Variants in HESX1 observed in about 807,000 individuals in gnomAD.
The protein encoded by HESX1 is homeobox expressed in ES cells 1.
Under a neutral mutation model 22.5 loss-of-function variants are expected in HESX1, and 11 were observed. That is an observed-to-expected ratio of 0.49 (90% CI 0.31 to 0.81). HESX1 has a LOEUF of 0.81. HESX1 is among the 30% of genes least tolerant of loss of function. The probability of loss-of-function intolerance (pLI) is 0.05; values close to 1 mark genes in which losing one functional copy is unlikely to be tolerated. For missense variants in HESX1, 201 were observed against 212.6 expected (o/e 0.95, Z 0.34); for synonymous variants, 74 against 76.5 (o/e 0.97, Z 0.17).
chr3:57,200,010 AGCTCCGCTGACAAGGGG>A, upstream of HESX1: 1 of 1,089,668 alleles, frequency 9.2e-7, no homozygotes, highest in Non-Finnish European at 1.4e-6. Flanking sequence ...TTCACCTTAT[AGCTCCGCTGACAAGGGG>A]GCTGGATTTA....
intron 1 of HESX1, among the ~76,000 whole-genome samples, chr3:57,214,627 G>C (rs957612122): frequency 2.6e-5 from 4 of 152,198 alleles, no homozygotes; most frequent in African/African-American, 9.7e-5. Flanking sequence ...TCTTGGAATA[G>C]AGCCTGACAC....
upstream of HESX1, among the ~76,000 whole-genome samples, chr3:57,201,958 G>A (rs1039643375): frequency 2.0e-5 from 3 of 148,386 alleles, no homozygotes; most frequent in African/African-American, 5.0e-5. Context: ...TTGCTCTGTC[G>A]CCCAGGCTGG....
At chr3:57,225,526 T>C (rs1393339982) in intron 1 of HESX1, among the ~76,000 whole-genome samples, 2 of 152,036 alleles carry the variant, frequency 1.3e-5, no homozygotes, top group Admixed American at 6.6e-5. Context: ...GTATTTTTGG[T>C]AGAGACGGGG....
At chr3:57,208,969 G>GA (rs1171636644) in intron 1 of HESX1, among the ~76,000 whole-genome samples, 6 of 151,030 alleles carry the variant, frequency 4.0e-5, no homozygotes, top group African/African-American at 4.9e-5. Flanking sequence ...AAAAAAAAAA[G>GA]AAAAAAAATG....
intron 1 of HESX1, among the ~76,000 whole-genome samples, chr3:57,220,706 C>T (rs1343404722): frequency 6.6e-6 from 1 of 152,144 alleles, no homozygotes; most frequent in Non-Finnish European, 1.5e-5. Flanking sequence ...GCTGGGATTA[C>T]AGGCATGAGC....
In HESX1 at chr3:57,199,795, G is replaced by T; in HGVS notation, c.124C>A (p.His42Asn). ...KKDCVPLMKPHRPWADTCSSS... is the reference protein window; with the variant it reads ...KKDCVPLMKPNRPWADTCSSS... ...CTGCAGGTGTCTGCCCAGGGCCTGT[G>T]GGGTTTCATTAATGGAACACAGTCT... The change falls in exon 1 of 4, where the codon CAC becomes AAC. Residue 42 changes from histidine to asparagine, a missense_variant. By Grantham distance (68) the His-to-Asn change is moderately conservative. Transcript: ENST00000295934. 6.2e-7 allele frequency: 1 copy of T among 1,614,062 alleles called. No homozygotes were observed. The highest frequency in any genetic ancestry group is 1.3e-5 in the African/African-American group (1 of 75,010).
intron 1 of HESX1, among the ~76,000 whole-genome samples, chr3:57,213,999 A>T (rs140492572): frequency 2.6e-5 from 4 of 152,304 alleles, no homozygotes; most frequent in African/African-American, 9.6e-5. Context: ...GTGCACTAGG[A>T]CTCAGAGCAT....
At chr3:57,212,677 T>G (rs2107578689) in intron 1 of HESX1, among the ~76,000 whole-genome samples, 1 of 152,270 alleles carries the variant, frequency 6.6e-6, no homozygotes, top group East Asian at 1.9e-4. Flanking sequence ...ATAGTCTCCT[T>G]TACTTTTACC....
chr3:57,226,557 A>G (rs1296897093), upstream of HESX1: 1 of 152,260 alleles, frequency 6.6e-6, no homozygotes, highest in Non-Finnish European at 1.5e-5. Flanking sequence ...TCTACTCAAC[A>G]AAACTTTAAA....
chr3:57,227,574 C>A (rs940254004), upstream of HESX1, among the ~76,000 whole-genome samples: 1 of 152,240 alleles, frequency 6.6e-6, no homozygotes, highest in Non-Finnish European at 1.5e-5. Context: ...AGGGCAGACA[C>A]TGCCACCTCC....
chr3:57,227,312 C>G (rs112467103), upstream of HESX1, among the ~76,000 whole-genome samples: 4,141 of 152,346 alleles, frequency 0.027, 87 homozygotes, highest in Non-Finnish European at 0.046. Flanking sequence ...CAGCACCATT[C>G]TGCTGGAGGG....
intron 1 of HESX1, among the ~76,000 whole-genome samples, chr3:57,206,267 C>T (rs1440923107): frequency 6.6e-6 from 1 of 152,186 alleles, no homozygotes; most frequent in African/African-American, 2.4e-5. Flanking sequence ...TGATGGTCAA[C>T]TGTGTTAATG....
intron 1 of HESX1, among the ~76,000 whole-genome samples, chr3:57,206,907 G>C (rs1336879695): frequency 6.6e-6 from 1 of 152,122 alleles, no homozygotes; most frequent in Admixed American, 6.5e-5. Flanking sequence ...TTGTTCCAGA[G>C]ACTGCTAGTT....
chr3:57,225,390 C>T (rs2060636048), intron 1 of HESX1, among the ~76,000 whole-genome samples: 1 of 152,120 alleles, frequency 6.6e-6, no homozygotes, highest in Admixed American at 6.5e-5. Context: ...TTCGCTCTGT[C>T]GCCCAGGCTG....
intron 1 of HESX1, among the ~76,000 whole-genome samples, chr3:57,224,957 T>C (rs555304632): frequency 6.6e-6 from 1 of 152,340 alleles, no homozygotes; most frequent in South Asian, 2.1e-4. Context: ...TTGCTTTCCA[T>C]AAAATTAACC....
chr3:57,222,060 T>C (rs2060618980), intron 1 of HESX1, among the ~76,000 whole-genome samples: 1 of 152,206 alleles, frequency 6.6e-6, no homozygotes, highest in South Asian at 2.1e-4. Context: ...TTCCCTGAGG[T>C]AGTCTGAATC....
intron 1 of HESX1, among the ~76,000 whole-genome samples, chr3:57,217,194 C>T (rs1052205239): frequency 2.6e-5 from 4 of 152,056 alleles, no homozygotes; most frequent in South Asian, 2.1e-4. Flanking sequence ...TATGTGTGTT[C>T]GTTGCCATTG....
chr3:57,221,840 C>T (rs568046539), intron 1 of HESX1, among the ~76,000 whole-genome samples: 7 of 151,874 alleles, frequency 4.6e-5, no homozygotes, highest in East Asian at 2.0e-4. Context: ...CTCCTGATCT[C>T]GTGATCCACC....
upstream of HESX1, among the ~76,000 whole-genome samples, chr3:57,226,990 G>C (rs190974728): frequency 3.9e-5 from 6 of 152,270 alleles, no homozygotes; most frequent in Admixed American, 3.3e-4. Flanking sequence ...ACTATTTAAC[G>C]CTTCCAAAAC....
Sources: allele counts gnomAD v4.1 joint callset (sites outside exome capture counted in the v4.1 genomes callset), GRCh38; gene constraint gnomAD v4.1.1; transcripts MANE v1.5; gene names NCBI Gene and HGNC (gene_info 2026-07-23, HGNC 2026-07-21).